Variants in IGFBP7 observed in about 807,000 individuals in gnomAD.
The protein encoded by IGFBP7 is insulin-like growth factor-binding protein 7.
A neutral mutation model predicts 29.4 loss-of-function variants in IGFBP7; 31 were observed. That is an observed-to-expected ratio of 1.05 (90% CI 0.79 to 1.42). The LOEUF is 1.42. IGFBP7 is among the 40% of genes most tolerant of loss of function. The probability of loss-of-function intolerance (pLI) is 0.00; values close to 1 mark genes in which losing one functional copy is unlikely to be tolerated. For missense variants in IGFBP7, 393 were observed against 395.5 expected, an observed-to-expected ratio of 0.99 and a Z score of 0.05; for synonymous variants, 172 against 174.9, an observed-to-expected ratio of 0.98 and a Z score of 0.13.
rs11573027 is a variant in IGFBP7, at chr4:57,108,665, C to T, written c.475+1212G>A. Among the ~76,000 whole-genome samples the T allele has an allele frequency of 3.1e-3, 472 of 152,074 alleles. 2 individuals are homozygous for T. Among genetic ancestry groups the T allele is most frequent in the African/African-American group, 0.011 (457 of 41,472 alleles). On this transcript the variant is annotated intron_variant, in intron 1 of 4. Transcript: ENST00000295666. Reference sequence around the variant, plus strand: ...CAAGCGATTCTCCTGCCTCAGCCTCCTGAGTAGCTGTGATTACAGGCATGC... The same window carrying T: ...CAAGCGATTCTCCTGCCTCAGCCTCTTGAGTAGCTGTGATTACAGGCATGC...
intron 1 of IGFBP7, among the ~76,000 whole-genome samples, chr4:57,076,416 G>A (rs924464494): frequency 3.3e-5 from 5 of 152,202 alleles, no homozygotes; most frequent in African/African-American, 1.2e-4. Flanking sequence ...GTCCTTGGAT[G>A]TCCCTCTCTT....
intron 1 of IGFBP7, among the ~76,000 whole-genome samples, chr4:57,096,426 T>G (rs1398901175): frequency 6.6e-6 from 1 of 151,894 alleles, no homozygotes; most frequent in Non-Finnish European, 1.5e-5. Context: ...AGTTCTGAAC[T>G]GGGGCTGGAC....
chr4:57,083,733 G>C (rs1725429671), intron 1 of IGFBP7, among the ~76,000 whole-genome samples: 1 of 152,106 alleles, frequency 6.6e-6, no homozygotes, highest in Non-Finnish European at 1.5e-5. Flanking sequence ...CTCATGAATG[G>C]GTGAATGAAT....
chr4:57,087,151 A>T (rs996370567), intron 1 of IGFBP7, among the ~76,000 whole-genome samples: 2 of 152,234 alleles, frequency 1.3e-5, no homozygotes, highest in Non-Finnish European at 2.9e-5. Flanking sequence ...GCCCCACAGC[A>T]CCAGGATGGC....
chr4:57,035,091 T>C (rs1010995863), intron 2 of IGFBP7, among the ~76,000 whole-genome samples: 6 of 152,226 alleles, frequency 3.9e-5, no homozygotes, highest in Non-Finnish European at 5.9e-5. Context: ...ATGAGTTTTA[T>C]GTGTGACCAA....
intron 1 of IGFBP7, among the ~76,000 whole-genome samples, chr4:57,062,154 C>T (rs1394335301): frequency 3.9e-5 from 6 of 152,068 alleles, no homozygotes; most frequent in South Asian, 2.1e-4. Context: ...AGGGCCTCCC[C>T]GATGCTACCG....
intron 1 of IGFBP7, among the ~76,000 whole-genome samples, chr4:57,107,245 C>T (rs1429856269): frequency 6.6e-6 from 1 of 152,156 alleles, no homozygotes; most frequent in African/African-American, 2.4e-5. Flanking sequence ...TCAATAAATG[C>T]ATGTTAAATG....
At chr4:57,033,170 G>A in intron 3 of IGFBP7, 25 bp downstream of exon 3, 1 of 1,473,020 alleles carries the variant, frequency 6.8e-7, no homozygotes. Context: ...TGAAACTCTT[G>A]CCAGCTCTTG....
At chr4:57,076,999 GAATA>G (rs1284169742) in intron 1 of IGFBP7, among the ~76,000 whole-genome samples, 4 of 152,020 alleles carry the variant, frequency 2.6e-5, no homozygotes, top group African/African-American at 9.7e-5. Context: ...AATTTTTTAT[GAATA>G]AATATTATTT....
intron 1 of IGFBP7, among the ~76,000 whole-genome samples, chr4:57,053,202 T>C (rs35363729): frequency 0.24 from 36,173 of 151,578 alleles, 4,617 homozygotes; most frequent in East Asian, 0.33. Flanking sequence ...ATTTTAGCAG[T>C]GATGGAGTTT....
intron 1 of IGFBP7, among the ~76,000 whole-genome samples, chr4:57,082,175 C>G (rs1234064405): frequency 2.0e-5 from 3 of 152,036 alleles, no homozygotes; most frequent in Non-Finnish European, 2.9e-5. Context: ...CTAGGAGGTC[C>G]TTTGGGGTCA....
chr4:57,039,729 G>A (rs1470150475), intron 2 of IGFBP7, among the ~76,000 whole-genome samples: 1 of 150,672 alleles, frequency 6.6e-6, no homozygotes, highest in Non-Finnish European at 1.5e-5. Context: ...GGCTCAAGGG[G>A]TTCTTCCACC....
At chr4:57,076,687 G>A (rs1725236146) in intron 1 of IGFBP7, among the ~76,000 whole-genome samples, 1 of 152,216 alleles carries the variant, frequency 6.6e-6, no homozygotes, top group Admixed American at 6.5e-5. Context: ...AGGAAGAGAA[G>A]CCTGGGGTGG....
At chr4:57,086,540 A>G (rs1432441473) in intron 1 of IGFBP7, among the ~76,000 whole-genome samples, 2 of 152,164 alleles carry the variant, frequency 1.3e-5, no homozygotes, top group African/African-American at 2.4e-5. Context: ...AGCTGCTGAC[A>G]GCCTGCAGGC....
At position 57,040,921 on chromosome 4, in the gene IGFBP7, A is replaced by C. The variant is rs774504257; in HGVS notation, c.488T>G (p.Val163Gly). Residue 163 changes from valine to glycine, a missense_variant, in exon 2 of 5, where the codon GTG becomes GGG. By Grantham distance (109) the Val-to-Gly change is moderately radical. Coordinates refer to ENST00000295666, the MANE Select transcript of IGFBP7 (RefSeq NM_001553.3). ...ATTCCAGATGTCCTTGGGGGGCGTC[A>C]CTATGGAAGGACCTGCAGGAGAGGG... ...KGTCEQGPSI[V>G]TPPKDIWNVT... 1.2e-6 allele frequency: 2 copies of C among 1,613,210 alleles called. No homozygotes were observed. The highest frequency in any genetic ancestry group is 2.7e-5 in the African/African-American group (2 of 74,928).
chr4:57,086,981 G>C (rs1413564313), intron 1 of IGFBP7, among the ~76,000 whole-genome samples: 2 of 152,172 alleles, frequency 1.3e-5, no homozygotes, highest in African/African-American at 4.8e-5. Context: ...TGATCCACCT[G>C]TCTCGGCCTC....
intron 1 of IGFBP7, among the ~76,000 whole-genome samples, chr4:57,087,107 G>A (rs555534686): frequency 3.3e-5 from 5 of 152,158 alleles, no homozygotes; most frequent in East Asian, 1.9e-4. Flanking sequence ...CCCATTTAAC[G>A]GTAACCCCCT....
At chr4:57,082,115 C>G (rs181534404) in intron 1 of IGFBP7, among the ~76,000 whole-genome samples, 1 of 152,276 alleles carries the variant, frequency 6.6e-6, no homozygotes, top group African/African-American at 2.4e-5. Flanking sequence ...CCACATTTTA[C>G]TTAGTCCTCA....
At chr4:57,041,339 C>T (rs761097272) in intron 1 of IGFBP7, among the ~76,000 whole-genome samples, 10 of 151,856 alleles carry the variant, frequency 6.6e-5, no homozygotes, top group South Asian at 2.1e-4. Context: ...AACAAGCAAC[C>T]GCTCCATGGG....
Sources: allele counts gnomAD v4.1 joint callset (sites outside exome capture counted in the v4.1 genomes callset), GRCh38; gene constraint gnomAD v4.1.1; transcripts MANE v1.5; gene names NCBI Gene and HGNC (gene_info 2026-07-23, HGNC 2026-07-21).